BBS10: variants seen among roughly 807,000 people sequenced by gnomAD.
BBS10 encodes Bardet-Biedl syndrome 10.
BBS10 carries 13 observed loss-of-function variants against 12.7 expected under a neutral mutation model. The observed-to-expected ratio is 1.03, with a 90% CI of 0.67 to 1.63. The LOEUF is 1.63. Among genes scored for constraint, BBS10 ranks in the 40% most tolerant of loss-of-function variants. The pLI is 0.00. For missense variants in BBS10, 858 were observed against 858.0 expected, an observed-to-expected ratio of 1.00 and a Z score of 0.00; for synonymous variants, 294 against 304.8, an observed-to-expected ratio of 0.96 and a Z score of 0.37.
Position 76,346,797 on chromosome 12 carries a change from A to C in BBS10, c.1188T>G (p.Ser396=), listed in dbSNP as rs143903199. ...LISTCAFIPH[S]IVLCGPVHGL... is the part of the protein sequence containing the mutation. Reference sequence around the variant, plus strand: ...CATGCACTGGTCCACAAAGAACTATAGAGTGTGGTATAAATGCACATGTGC... The same window carrying C: ...CATGCACTGGTCCACAAAGAACTATCGAGTGTGGTATAAATGCACATGTGC... The change falls in exon 2 of 2, where the codon TCT becomes TCG. Residue 396 remains serine (S), a synonymous_variant. Transcript: ENST00000650064. 8.1e-6 allele frequency: 13 copies of C among 1,614,196 alleles called. No individual in the cohort carries two copies. In the South Asian group the frequency reaches 1.1e-4, roughly 14 times the overall value.
Position 76,346,090 on chromosome 12 carries a change from A to G in BBS10, c.1895T>C (p.Ile632Thr), listed in dbSNP as rs777267191. 1.1e-5 allele frequency: 17 copies of G among 1,612,582 alleles called. No individual in the cohort carries two copies. The highest frequency in any genetic ancestry group is 1.4e-5 in the Non-Finnish European group (17 of 1,179,670). The change falls in exon 2 of 2, where the codon ATA (isoleucine) becomes ACA (threonine). Residue 632 changes from isoleucine (I) to threonine (T), a missense_variant. Ile to Thr is a moderately conservative substitution (Grantham distance 89). Coordinates refer to ENST00000650064, the MANE Select transcript of BBS10 (RefSeq NM_024685.4). ...AATGCCTAAAAGTGCATTAGCTATTATCATACTAACCATGGTTTCTTCTGA... is the reference window on the plus strand; with the variant it reads ...AATGCCTAAAAGTGCATTAGCTATTGTCATACTAACCATGGTTTCTTCTGA... ...HQSEETMVSM[I>T]IANALLGIPK...
rs942712425 is a variant in BBS10, at chr12:76,344,788, G to C, written c.*1025C>G. 2.0e-5 allele frequency: 3 copies of C among 152,062 alleles called. No individual in the cohort carries two copies. Among genetic ancestry groups the C allele is most frequent in the African/African-American group, 7.2e-5 (3 of 41,416 alleles). The allele number at this position is 152,062 out of a possible 1,614,324, so 9.4% of individuals were successfully genotyped here. On this transcript the variant is annotated 3_prime_UTR_variant, in exon 2 of 2. Transcript: ENST00000650064. The stretch of plus-strand genomic sequence containing the variant: ...TTCAACAAGCACTTCTGAATACTTG[G>C]AGTAAATACAGCACTGTTTTGGGTA...
Position 76,345,521 on chromosome 12 carries a change from A to G in BBS10, c.*292T>C. 1 of 329,760 alleles carries G rather than the reference A, an allele frequency of 3.0e-6. No homozygotes were observed. The highest frequency in any genetic ancestry group is 5.8e-6 in the Non-Finnish European group (1 of 173,164). The allele number at this position is 329,760 out of a possible 1,614,324, so 20.4% of individuals were successfully genotyped here. On this transcript the variant is annotated 3_prime_UTR_variant, in exon 2 of 2. Transcript: ENST00000650064. ...ACAGGAGAGTAAAAAGGAGCTATAA[A>G]GAAAAACCCTCCCCTAAACACATAG...
rs141080440 is a variant in BBS10, at chr12:76,346,675, T to C, written c.1310A>G (p.Asn437Ser). The C allele has an allele frequency of 6.8e-6, 11 of 1,613,972 alleles. No homozygotes were observed. The highest frequency in any genetic ancestry group is 4.0e-5 in the African/African-American group (3 of 74,928). ...AAGACTTGAAGTGCCATTTTGGTCA[T>C]TGGTTTGTGTCATGTAATTTAGATC... ...DLDLNYMTQT[N>S]DQNGTSSLFI... is the part of the protein sequence containing the mutation. Residue 437 changes from asparagine to serine, a missense_variant, in exon 2 of 2, where the codon AAT becomes AGT. Transcript: ENST00000650064.
intron 1 of BBS10, 65 bp from the exon 2 acceptor site, chr12:76,347,852 G>GT (rs1951775038): frequency 1.3e-6 from 2 of 1,489,188 alleles, no homozygotes; most frequent in African/African-American, 2.8e-5. Context: ...TTAAAACCAT[G>GT]TTTACACAGC....
chr12:76,347,800 G>C lies in BBS10; in HGVS notation c.198-13C>G. On this transcript the variant is annotated splice_polypyrimidine_tract_variant and intron_variant, in intron 1 of 1. Coordinates refer to ENST00000650064, the MANE Select transcript of BBS10 (RefSeq NM_024685.4). ...GTCCACTATCATCCTGTACAAAAAA[G>C]AAATAAAGCAACTCATTTTCAGAAG... 1.9e-6 allele frequency: 3 copies of C among 1,598,788 alleles called. No individual in the cohort carries two copies. The highest frequency in any genetic ancestry group is 1.7e-6 in the Non-Finnish European group (2 of 1,179,494).
At chr12:76,347,871 TA>T in intron 1 of BBS10, 84 bp from the exon 2 acceptor site, 2 of 1,405,562 alleles carry the variant, frequency 1.4e-6, no homozygotes, top group Non-Finnish European at 2.0e-6. Flanking sequence ...GCCATAAGCA[TA>T]AAATGAGAAT....
At position 76,346,034 on chromosome 12, in the gene BBS10, T is replaced by C; in HGVS notation, c.1951A>G (p.Lys651Glu). Reference protein sequence around the residue: ...PKVLYKSKTGKYSFPHTYIRA... With the variant: ...PKVLYKSKTGEYSFPHTYIRA... Reference sequence around the variant, plus strand: ...ATATATGTATGTGGAAAGCTGTACTTTCCTGTTTTAGATTTATAAAGGACT... The same window carrying C: ...ATATATGTATGTGGAAAGCTGTACTCTCCTGTTTTAGATTTATAAAGGACT... The change falls in exon 2 of 2, where the codon AAG (lysine) becomes GAG (glutamate). Residue 651 changes from lysine (K) to glutamate (E), a missense_variant. Transcript: ENST00000650064. The C allele has an allele frequency of 6.2e-7, 1 of 1,614,002 alleles. No homozygotes were observed. Among genetic ancestry groups the C allele is most frequent in the Non-Finnish European group, 8.5e-7 (1 of 1,179,926 alleles).
chr12:76,348,052 T>C, intron 1 of BBS10, 110 bp downstream of exon 1: 1 of 1,298,576 alleles, frequency 7.7e-7, no homozygotes, highest in South Asian at 1.4e-5. Flanking sequence ...ATACAGCGGT[T>C]TCACCCGAGG....
intron 1 of BBS10, 24 bp downstream of exon 1, chr12:76,348,138 G>T (rs1565810395): frequency 6.3e-7 from 1 of 1,596,776 alleles, no homozygotes. Flanking sequence ...CCCGGCTACG[G>T]GTTAGCGTGT....
At position 76,347,211 on chromosome 12, in the gene BBS10, CA is replaced by C; in HGVS notation, c.773del (p.Val258GlyfsTer2). On this transcript the variant is annotated frameshift_variant, in exon 2 of 2. Coordinates refer to ENST00000650064, the MANE Select transcript of BBS10 (RefSeq NM_024685.4). LOFTEE classifies it low-confidence loss of function (END_TRUNC). Reference sequence around the variant, plus strand: ...GAGGCTGAATGGTTTCTGTTACTATCACCATTCGCATGTCACCATCTGCTGG... The same window carrying C: ...GAGGCTGAATGGTTTCTGTTACTATCCCATTCGCATGTCACCATCTGCTGG... ...YRPADGDMRM[V>X]IVTETIQPLF... The C allele has an allele frequency of 6.2e-7, 1 of 1,611,774 alleles. No homozygotes were observed. The highest frequency in any genetic ancestry group is 1.7e-5 in the Admixed American group (1 of 60,020).
In BBS10 at chr12:76,346,187, A is replaced by T. The variant is rs749376469; in HGVS notation, c.1798T>A (p.Leu600Met). The change falls in exon 2 of 2, where the codon TTG (leucine) becomes ATG (methionine). Residue 600 changes from leucine to methionine, a missense_variant. Physicochemically the swap from Leu to Met is conservative, Grantham distance 15. Transcript: ENST00000650064. ...ATCTCAAAATTACCACCTACTGGCA[A>T]AACACAACCAGCTGGCATAGATGAG... ...LSSSMPAGCVLPVGGNFEILL... is the reference protein window; with the variant it reads ...LSSSMPAGCVMPVGGNFEILL... 1 of 1,611,654 alleles carries T rather than the reference A, an allele frequency of 6.2e-7. No individual in the cohort carries two copies. Among genetic ancestry groups the T allele is most frequent in the Non-Finnish European group, 8.5e-7 (1 of 1,179,250 alleles).
rs1064796315 is a variant in BBS10, at chr12:76,345,954, AC to A, written c.2030del (p.Gly677ValfsTer5). 4.3e-6 allele frequency: 7 copies of A among 1,613,854 alleles called. No homozygotes were observed. In the African/African-American group the frequency reaches 9.3e-5, roughly 22 times the overall value. On this transcript the variant is annotated frameshift_variant, in exon 2 of 2. Transcript: ENST00000650064. LOFTEE classifies it high-confidence loss of function. ...TNQPLVSSQT[G>X]LESVMGKYQL... Reference sequence around the variant, plus strand: ...GGTATTTACCCATTACTGATTCCAAACCTGTCTGACTGCTTACCAAGGGTTG... The same window carrying A: ...GGTATTTACCCATTACTGATTCCAAACTGTCTGACTGCTTACCAAGGGTTG...
Position 76,344,790 on chromosome 12 carries a change from G to C in BBS10, c.*1023C>G, listed in dbSNP as rs907185176. ...CAACAAGCACTTCTGAATACTTGGA[G>C]TAAATACAGCACTGTTTTGGGTATT... On this transcript the variant is annotated 3_prime_UTR_variant, in exon 2 of 2. Transcript: ENST00000650064. The C allele has an allele frequency of 2.0e-5, 3 of 152,114 alleles. No homozygotes were observed. The highest frequency in any genetic ancestry group is 7.2e-5 in the African/African-American group (3 of 41,450). 9.4% of individuals were successfully genotyped at this position (152,114 alleles called of 1,614,324 possible).
In BBS10 at chr12:76,345,766, T is replaced by C. The variant is rs1951752542; in HGVS notation, c.*47A>G. 6 of 1,545,496 alleles carry C rather than the reference T, an allele frequency of 3.9e-6. No individual in the cohort carries two copies. Among genetic ancestry groups the C allele is most frequent in the Non-Finnish European group, 5.3e-6 (6 of 1,123,536 alleles). On this transcript the variant is annotated 3_prime_UTR_variant, in exon 2 of 2. Transcript: ENST00000650064. The stretch of plus-strand genomic sequence containing the variant: ...ACCAGTGGTCACATGACTGCTTTAC[T>C]TGGCTTGAGTTAGATGAAAAGTTTG...
Position 76,346,820 on chromosome 12 carries a change from T to C in BBS10, c.1165A>G (p.Thr389Ala). The C allele has an allele frequency of 1.2e-6, 2 of 1,614,152 alleles. No individual in the cohort carries two copies. Among genetic ancestry groups the C allele is most frequent in the Non-Finnish European group, 8.5e-7 (1 of 1,180,004 alleles). Reference sequence around the variant, plus strand: ...ATAGAGTGTGGTATAAATGCACATGTGCTTATCAAGCCTAGATGAACATAT... The same window carrying C: ...ATAGAGTGTGGTATAAATGCACATGCGCTTATCAAGCCTAGATGAACATAT... ...KRYVHLGLISTCAFIPHSIVL... is the reference protein window; with the variant it reads ...KRYVHLGLISACAFIPHSIVL... Residue 389 changes from threonine (T) to alanine (A), a missense_variant, in exon 2 of 2, where the codon ACA (threonine) becomes GCA (alanine). Transcript: ENST00000650064.
chr12:76,348,362 T>C lies in BBS10; in HGVS notation c.-4A>G, dbSNP rs886049853. ...CAGCGGCCATAGAACTTAACATATCTGGGCCGCTTCCCCTTTTTGACCAGC... is the reference window on the plus strand; with the variant it reads ...CAGCGGCCATAGAACTTAACATATCCGGGCCGCTTCCCCTTTTTGACCAGC... On this transcript the variant is annotated 5_prime_UTR_variant, in exon 1 of 2. Transcript: ENST00000650064. 7.6e-6 allele frequency: 12 copies of C among 1,575,806 alleles called. No homozygotes were observed. The highest frequency in any genetic ancestry group is 1.0e-5 in the Non-Finnish European group (12 of 1,160,580).
Position 76,345,920 on chromosome 12 carries a change from T to G in BBS10, c.2065A>C (p.Thr689Pro), listed in dbSNP as rs759387000. 6.2e-7 allele frequency: 1 copy of G among 1,614,040 alleles called. No homozygotes were observed. The highest frequency in any genetic ancestry group is 2.2e-5 in the East Asian group (1 of 44,870). The part of the protein sequence containing the change: ...ESVMGKYQLL[T>P]SVLQCLTKIL... Reference sequence around the variant, plus strand: ...TTTGTCAAACACTGAAGAACTGAAGTTAGTAGCTGGTATTTACCCATTACT... The same window carrying G: ...TTTGTCAAACACTGAAGAACTGAAGGTAGTAGCTGGTATTTACCCATTACT... The change falls in exon 2 of 2, where the codon ACT becomes CCT. Residue 689 changes from threonine (T) to proline (P), a missense_variant. Thr to Pro is a conservative substitution (Grantham distance 38, BLOSUM62 -1). Transcript: ENST00000650064.
rs748647079 is a variant in BBS10, at chr12:76,346,067, T to C, written c.1918A>G (p.Ile640Val). ...TTAGATTTATAAAGGACTTTGGGAA[T>C]GCCTAAAAGTGCATTAGCTATTATC... Reference protein sequence around the residue: ...SMIIANALLGIPKVLYKSKTG... With the variant: ...SMIIANALLGVPKVLYKSKTG... The change falls in exon 2 of 2, where the codon ATT becomes GTT. Residue 640 changes from isoleucine to valine, a missense_variant. Ile to Val is a conservative substitution (Grantham distance 29). Coordinates refer to ENST00000650064, the MANE Select transcript of BBS10 (RefSeq NM_024685.4). The C allele has an allele frequency of 8.7e-6, 14 of 1,613,538 alleles. No homozygotes were observed. The highest frequency in any genetic ancestry group is 1.6e-4 in the Middle Eastern group (1 of 6,080).
Sources: allele counts gnomAD v4.1 joint callset, GRCh38; gene constraint gnomAD v4.1.1; transcripts MANE v1.5; gene names NCBI Gene and HGNC (gene_info 2026-07-23, HGNC 2026-07-21).